MARK2: variants seen among roughly 807,000 people sequenced by gnomAD.
MARK2 encodes serine/threonine-protein kinase MARK2.
In MARK2, 16 loss-of-function variants were observed where a neutral mutation model predicts 89.8. That is an observed-to-expected ratio of 0.18 (90% CI 0.12 to 0.27). The LOEUF (loss-of-function observed/expected upper bound fraction) is 0.27. MARK2 is among the 10% of genes least tolerant of loss of function. MARK2 has a pLI of 1.00. For synonymous variants in MARK2, 382 were observed against 399.5 expected (o/e 0.96, Z 0.52); for missense variants, 621 against 1,049.9 (o/e 0.59, Z 5.65).
At chr11:63,875,117 A>ATT (rs35168603) in intron 1 of MARK2, among the ~76,000 whole-genome samples, 56 of 125,556 alleles carry the variant, frequency 4.5e-4, no homozygotes, top group African/African-American at 1.1e-3. Flanking sequence ...TGCCCAGCTA[A>ATT]TTTTTTTTTT....
At chr11:63,893,399 C>T (rs1940082767) in intron 1 of MARK2, among the ~76,000 whole-genome samples, 1 of 27,884 alleles carries the variant, frequency 3.6e-5, no homozygotes, top group South Asian at 1.1e-3. Context: ...TTTTTACTGC[C>T]AACCAATATT....
chr11:63,845,222 GCTA>G (rs1279887294), intron 1 of MARK2, among the ~76,000 whole-genome samples: 5 of 152,150 alleles, frequency 3.3e-5, no homozygotes, highest in African/African-American at 9.7e-5. Context: ...GTGGACTGGA[GCTA>G]CTAGGCCTCT....
Position 63,856,327 on chromosome 11 carries a change from T to TG in MARK2, c.54+16767_54+16768insG, listed in dbSNP as rs1449258166. Among the ~76,000 whole-genome samples the TG allele has an allele frequency of 2.4e-4, 35 of 148,752 alleles. No homozygotes were observed. The South Asian group carries it at 3.6e-3, about 15-fold the overall frequency. ...CTGTGGGTTTTTTTTTTTTGTTTTT[T>TG]TTTTTTTTTTAAATATATGGCTTGT... is the stretch of plus-strand genomic sequence containing the variant. On this transcript the variant is annotated intron_variant, in intron 1 of 18. Transcript: ENST00000402010.
At chr11:63,877,984 C>T (rs1938866113) in intron 1 of MARK2, among the ~76,000 whole-genome samples, 1 of 152,176 alleles carries the variant, frequency 6.6e-6, no homozygotes, top group Non-Finnish European at 1.5e-5. Flanking sequence ...GGATACCTGC[C>T]CAGGCCATGG....
intron 1 of MARK2, among the ~76,000 whole-genome samples, chr11:63,857,816 C>T (rs908596187): frequency 6.5e-4 from 99 of 152,134 alleles, no homozygotes; most frequent in African/African-American, 2.2e-3. Context: ...GTTTGGTTCT[C>T]CATGACTTTG....
At chr11:63,858,589 G>A (rs950222949) in intron 1 of MARK2, among the ~76,000 whole-genome samples, 18 of 149,536 alleles carry the variant, frequency 1.2e-4, no homozygotes, top group African/African-American at 4.0e-4. Flanking sequence ...TCCTGACCTC[G>A]TGATCCACCT....
chr11:63,861,679 T>C (rs543982053), intron 1 of MARK2, among the ~76,000 whole-genome samples: 28 of 151,994 alleles, frequency 1.8e-4, no homozygotes, highest in Non-Finnish European at 3.8e-4. Flanking sequence ...TAACATTTAT[T>C]GAGCCCTTAC....
chr11:63,902,385 AG>A lies in MARK2; in HGVS notation c.1234+57del, dbSNP rs1366925143. The A allele has an allele frequency of 5.0e-6, 8 of 1,606,924 alleles. No homozygotes were observed. Among genetic ancestry groups the A allele is most frequent in the Non-Finnish European group, 6.8e-6 (8 of 1,174,740 alleles). On this transcript the variant is annotated intron_variant, in intron 12 of 18. Transcript: ENST00000402010. This position sits in a 1 kb window ranked among gnomAD's most constrained non-coding sequence, Gnocchi z 4.2. Reference sequence around the variant, plus strand: ...ACTCACCCCTCTCCAGAGAGGTTACAGGTTCTGTGGGGACTTGGGTAACACA... The same window carrying A: ...ACTCACCCCTCTCCAGAGAGGTTACAGTTCTGTGGGGACTTGGGTAACACA...
At chr11:63,899,738 G>T in intron 7 of MARK2, 136 bp from the exon 8 acceptor site, 1 of 705,966 alleles carries the variant, frequency 1.4e-6, no homozygotes, top group Non-Finnish European at 2.6e-6. Flanking sequence ...TTGAAGCCCT[G>T]CCCTGAAATT....
rs1268817644 is a variant in MARK2 at position 63,902,085 on chromosome 11, T to G, written c.1102-113T>G. 2.6e-6 allele frequency: 3 copies of G among 1,163,476 alleles called. No individual in the cohort carries two copies. In the African/African-American group the frequency reaches 4.6e-5, roughly 18 times the overall value. 72.1% of individuals were successfully genotyped at this position (1,163,476 alleles called of 1,614,324 possible). A position where few individuals can be genotyped will look rare whatever the true frequency, so the allele number is the denominator to read the frequency against. ...TGGTCTTACAAGTGGATGTCCGGTA[T>G]GATCCTGGGGTGTTTGAGTGTTGGG... On this transcript the variant is annotated intron_variant, in intron 11 of 18. Transcript: ENST00000402010. The surrounding 1 kb of genome is among the most constrained non-coding windows in gnomAD (Gnocchi z 4.2).
At position 63,902,082 on chromosome 11, in the gene MARK2, G is replaced by A; in HGVS notation, c.1102-116G>A. 8.8e-7 allele frequency: 1 copy of A among 1,130,936 alleles called. No individual in the cohort carries two copies. The highest frequency in any genetic ancestry group is 1.3e-6 in the Non-Finnish European group (1 of 792,074). The allele number at this position is 1,130,936 out of a possible 1,614,324, so 70.1% of individuals were successfully genotyped here. On this transcript the variant is annotated intron_variant, in intron 11 of 18. Coordinates refer to ENST00000402010, the MANE Select transcript of MARK2 (RefSeq NM_001039469.3). The surrounding 1 kb of genome is among the most constrained non-coding windows in gnomAD (Gnocchi z 4.2). ...TATTGGTCTTACAAGTGGATGTCCG[G>A]TATGATCCTGGGGTGTTTGAGTGTT...
chr11:63,840,644 C>T (rs1324720920), intron 1 of MARK2, among the ~76,000 whole-genome samples: 3 of 152,190 alleles, frequency 2.0e-5, no homozygotes, highest in African/African-American at 7.2e-5. Flanking sequence ...TCCACCCTCA[C>T]CCCATCTTCC....
intron 1 of MARK2, among the ~76,000 whole-genome samples, chr11:63,840,600 G>GTATTT (rs1442194173): frequency 6.6e-6 from 1 of 152,158 alleles, no homozygotes; most frequent in Non-Finnish European, 1.5e-5. Flanking sequence ...GGCACTTAGA[G>GTATTT]TATTTTCTTT....
At chr11:63,908,785 C>T in intron 18 of MARK2, 92 bp from the exon 19 acceptor site, 2 of 1,322,836 alleles carry the variant, frequency 1.5e-6, no homozygotes, top group Non-Finnish European at 2.0e-6. Flanking sequence ...TCCCGCTCTC[C>T]TCTCTGGGCT....
rs768337367 is a variant in MARK2, at chr11:63,902,688, G to A, written c.1322G>A (p.Arg441Gln). The A allele has an allele frequency of 1.1e-5, 18 of 1,614,102 alleles. No individual in the cohort carries two copies. The highest frequency in any genetic ancestry group is 5.0e-5 in the Admixed American group (3 of 60,022). The change falls in exon 13 of 19, where the codon CGG (arginine) becomes CAG (glutamine). Residue 441 changes from arginine to glutamine, a missense_variant. This residue lies in a region of MARK2 where 397 missense variants were observed against 567.8 expected (regional missense o/e 0.70). Transcript: ENST00000402010. This position sits in a 1 kb window ranked among gnomAD's most constrained non-coding sequence, Gnocchi z 4.2. ...NAENKRPEED[R>Q]ESGRKASSTA... The stretch of plus-strand genomic sequence containing the variant: ...GAAAATAAGCGGCCTGAGGAGGACC[G>A]GGAGTCAGGGCGGAAAGCCAGCAGC...
At position 63,877,421 on chromosome 11, in the gene MARK2, T is replaced by A. The variant is rs181976946; in HGVS notation, c.55-17738T>A. Reference sequence around the variant, plus strand: ...CCACTGCACCCAGCCCAGACTCTTTTCATAGGATGCTGAAAGGATGAATTA... The same window carrying A: ...CCACTGCACCCAGCCCAGACTCTTTACATAGGATGCTGAAAGGATGAATTA... On this transcript the variant is annotated intron_variant, in intron 1 of 18. Transcript: ENST00000402010. Among the ~76,000 whole-genome samples, 84 of 152,294 alleles carry A rather than the reference T, an allele frequency of 5.5e-4. No individual in the cohort carries two copies. In the Middle Eastern group the frequency reaches 0.02, roughly 37 times the overall value.
intron 1 of MARK2, among the ~76,000 whole-genome samples, chr11:63,887,986 G>A (rs1287705324): frequency 2.0e-5 from 3 of 152,112 alleles, no homozygotes; most frequent in African/African-American, 7.2e-5. Flanking sequence ...TAGCTTTTGG[G>A]CAAAATCTAG....
rs1486936 is a variant in MARK2, at chr11:63,902,915, C to G, written c.1416+133C>G. 596,225 of 1,028,302 alleles carry G rather than the reference C, an allele frequency of 0.58. 178,278 individuals are homozygous for G. The highest frequency in any genetic ancestry group is 0.93 in the East Asian group (39,105 of 42,014). 63.7% of individuals were successfully genotyped at this position (1,028,302 alleles called of 1,614,324 possible). ...TTATAGCAGGAAGCCTCGCTCCCAGCAGTAAATGCAGAATCCTTTCCTTAA... is the reference window on the plus strand; with the variant it reads ...TTATAGCAGGAAGCCTCGCTCCCAGGAGTAAATGCAGAATCCTTTCCTTAA... On this transcript the variant is annotated intron_variant, in intron 13 of 18. Transcript: ENST00000402010. This position sits in a 1 kb window ranked among gnomAD's most constrained non-coding sequence, Gnocchi z 4.2.
At chr11:63,842,018 G>T (rs1055265992) in intron 1 of MARK2, among the ~76,000 whole-genome samples, 1 of 152,166 alleles carries the variant, frequency 6.6e-6, no homozygotes, top group Non-Finnish European at 1.5e-5. Context: ...TGCATACATT[G>T]TCATCCTGTT....
Sources: allele counts gnomAD v4.1 joint callset (sites outside exome capture counted in the v4.1 genomes callset), GRCh38; gene constraint gnomAD v4.1.1; regional missense constraint gnomAD v4.1.1; non-coding constraint Gnocchi (gnomAD v3.1); transcripts MANE v1.5; gene names NCBI Gene and HGNC (gene_info 2026-07-23, HGNC 2026-07-21).